The following NCOR2 variants were observed in gnomAD, a reference collection of about 807,000 sequenced individuals.
NCOR2 encodes CTG repeat protein 26.
NCOR2 carries 81 observed loss-of-function variants against 262.9 expected under a neutral mutation model. That is an observed-to-expected ratio of 0.31 (90% confidence interval 0.26 to 0.37). The LOEUF (loss-of-function observed/expected upper bound fraction) is 0.37. Ranked by LOEUF, NCOR2 falls within the 10% of genes least tolerant of loss-of-function variation. The pLI, the probability that NCOR2 is intolerant of heterozygous loss-of-function variation, is 1.00. For synonymous variants in NCOR2, 1,659 were observed against 1,559.3 expected, an observed-to-expected ratio of 1.06 and a Z score of -1.51; for missense variants, 3,385 against 3,621.4, an observed-to-expected ratio of 0.93 and a Z score of 1.68.
upstream of NCOR2, among the ~76,000 whole-genome samples, chr12:124,537,164 C>T (rs998099709): frequency 9.8e-5 from 15 of 152,326 alleles, no homozygotes; most frequent in South Asian, 1.2e-3. Flanking sequence ...AATGTTAGGA[C>T]GCCAATCACC....
At chr12:124,336,897 T>C (rs748239900) in exon 38 of NCOR2, 1 of 1,604,386 alleles carries the variant, frequency 6.2e-7, no homozygotes, top group South Asian at 1.1e-5. Context: ...GTGCGGGCGA[T>C]GGTGGCGTGG....
Position 124,523,230 on chromosome 12 carries a change from T to C in NCOR2, c.-118+12335A>G, listed in dbSNP as rs1333877725. On this transcript the variant is annotated intron_variant, in intron 1 of 46. Coordinates refer to the NCOR2 transcript ENST00000404621. This position sits in a 1 kb window ranked among gnomAD's most constrained non-coding sequence, Gnocchi z 4.0. Reference sequence around the variant, plus strand: ...AGCTGTGAGCTGGCAGCTGGCAGAGTTAATTGCTCACTCAAGACTCACTTC... The same window carrying C: ...AGCTGTGAGCTGGCAGCTGGCAGAGCTAATTGCTCACTCAAGACTCACTTC... Among the ~76,000 whole-genome samples, 1 of 151,844 alleles carries C rather than the reference T, an allele frequency of 6.6e-6. No homozygotes were observed. The highest frequency in any genetic ancestry group is 1.5e-5 in the Non-Finnish European group (1 of 67,962).
chr12:124,470,974 C>T (rs2046802583), intron 4 of NCOR2, among the ~76,000 whole-genome samples: 1 of 152,246 alleles, frequency 6.6e-6, no homozygotes, highest in South Asian at 2.1e-4. Context: ...GCCTGGAAGC[C>T]TAACGGTGCG....
At chr12:124,461,508 G>C (rs1367783445) in intron 5 of NCOR2, among the ~76,000 whole-genome samples, 2 of 152,246 alleles carry the variant, frequency 1.3e-5, no homozygotes, top group African/African-American at 2.4e-5. Context: ...GGGCACACAA[G>C]TCCTTAGTCA....
chr12:124,344,345 G>A lies in NCOR2; in HGVS notation c.4714+252C>T, dbSNP rs528515862. On this transcript the variant is annotated intron_variant, in intron 32 of 46. Coordinates refer to ENST00000405201, the Ensembl canonical transcript of NCOR2. ...AAGTATCCGGGTAGCTGTTTGCAGA[G>A]TGGATTACAGCAGGAAGAGGGAGGG... 1.6e-4 allele frequency among the ~76,000 whole-genome samples: 24 copies of A among 152,344 alleles called. No individual in the cohort carries two copies. The East Asian group carries it at 4.4e-3, about 28-fold the overall frequency.
rs1027873868 is a variant in NCOR2 at position 124,549,648 on chromosome 12, G to T, written c.-164-14037C>A. On this transcript the variant is annotated intron_variant, in intron 1 of 32. Transcript: ENST00000458234. This position sits in a 1 kb window ranked among gnomAD's most constrained non-coding sequence, Gnocchi z 4.4. ...CTGACTCCCCACTGCAACCCAGGAG[G>T]TAAATGCTATTACGAACACCCTTCT... is the stretch of plus-strand genomic sequence containing the variant. Among the ~76,000 whole-genome samples, 13 of 152,170 alleles carry T rather than the reference G, an allele frequency of 8.5e-5. No individual in the cohort carries two copies. The highest frequency in any genetic ancestry group is 3.1e-4 in the African/African-American group (13 of 41,442).
Position 124,372,085 on chromosome 12 carries a change from C to T in NCOR2, c.2744G>A (p.Ser915Asn). The T allele has an allele frequency of 9.4e-6, 15 of 1,604,066 alleles. No homozygotes were observed. Among genetic ancestry groups the T allele is most frequent in the Non-Finnish European group, 1.3e-5 (15 of 1,179,648 alleles). ...TGCACTGCAGGTAGCACTGGAGTCG[C>T]TGTCCTGGGGGGCGCCCGAGCTCTT... is the stretch of plus-strand genomic sequence containing the variant. Residue 915 changes from serine (S) to asparagine (N), a missense_variant, in exon 20 of 47, where the codon AGC (serine) becomes AAC (asparagine). Transcript: ENST00000405201.
At chr12:124,428,070 T>TGTGTGTGTGTGTGTGTGTGTGTGTGC (rs1383459509) in intron 10 of NCOR2, among the ~76,000 whole-genome samples, 1 of 150,180 alleles carries the variant, frequency 6.7e-6, no homozygotes, top group East Asian at 2.0e-4. Context: ...TGTGTGTGTG[T>TGTGTGTGTGTGTGTGTGTGTGTGTGC]GTGTGTGTGT....
Position 124,363,717 on chromosome 12 carries a change from T to G in NCOR2, c.2890A>C (p.Lys964Gln), listed in dbSNP as rs777047170. 6 of 1,412,266 alleles carry G rather than the reference T, an allele frequency of 4.2e-6. No homozygotes were observed. In the East Asian group the frequency reaches 1.6e-4, roughly 39 times the overall value. 87.5% of individuals were successfully genotyped at this position (1,412,266 alleles called of 1,614,324 possible). A position where few individuals can be genotyped will look rare whatever the true frequency, so the allele number is the denominator to read the frequency against. Residue 964 changes from lysine (K) to glutamine (Q), a missense_variant, in exon 21 of 47, where the codon AAG becomes CAG. Physicochemically the swap from Lys to Gln is moderately conservative, Grantham distance 53. This residue lies in a region of NCOR2 where 1,615 missense variants were observed against 1,626.9 expected (regional missense o/e 0.99). Transcript: ENST00000405201. ...GCAGCCGCTCGCTGCTTCAGCTGCT[T>G]CAGGTCCAGTGGCTTCTGGGGTGAG...
chr12:124,336,409 CA>C (rs1165139654), intron 38 of NCOR2: 2,906 of 201,562 alleles, frequency 0.014, no homozygotes, highest in South Asian at 0.034. Flanking sequence ...AGCAAAAATC[CA>C]AAAAAAAAAA....
chr12:124,493,524 G>A (rs2048206673), intron 1 of NCOR2, among the ~76,000 whole-genome samples: 1 of 152,214 alleles, frequency 6.6e-6, no homozygotes, highest in South Asian at 2.1e-4. Flanking sequence ...GCTCAGAGAG[G>A]TTACGTAACT....
At chr12:124,348,133 C>G (rs1178989979) in intron 29 of NCOR2, 41 bp downstream of exon 31, 1 of 1,604,440 alleles carries the variant, frequency 6.2e-7, no homozygotes, top group Non-Finnish European at 8.5e-7. Flanking sequence ...CCACCGCCCA[C>G]CAGGGGGCAC....
rs202037116 is a variant in NCOR2 at position 124,363,811 on chromosome 12, C to G, written c.2808-12G>C. 5.2e-6 allele frequency: 7 copies of G among 1,334,856 alleles called. No individual in the cohort carries two copies. In the East Asian group the frequency reaches 1.7e-4, roughly 32 times the overall value. The allele number at this position is 1,334,856 out of a possible 1,614,324, so 82.7% of individuals were successfully genotyped here. On this transcript the variant is annotated splice_polypyrimidine_tract_variant and intron_variant, in intron 20 of 46. Coordinates refer to ENST00000405201, the Ensembl canonical transcript of NCOR2. ...TTGGGGACAGCAGCCTGCGGGCACA[C>G]GAGCACCATCAGCTGGGGGCCCACA...
chr12:124,326,873 T>C (rs1225700333), intron 45 of NCOR2, among the ~76,000 whole-genome samples: 1 of 152,118 alleles, frequency 6.6e-6, no homozygotes, highest in Non-Finnish European at 1.5e-5. Context: ...CCTGCCCCGA[T>C]ACAGAGGGTA....
intron 1 of NCOR2, among the ~76,000 whole-genome samples, chr12:124,508,313 A>C (rs2049163772): frequency 2.0e-5 from 3 of 152,260 alleles, no homozygotes; most frequent in Admixed American, 2.0e-4. Flanking sequence ...ATGTCTGATG[A>C]CGGGACAGTG....
At chr12:124,435,332 G>A (rs752625525) in intron 8 of NCOR2, among the ~76,000 whole-genome samples, 4 of 152,210 alleles carry the variant, frequency 2.6e-5, no homozygotes, top group African/African-American at 7.2e-5. Flanking sequence ...CAGATTGGAC[G>A]CTCGTTTCAA....
chr12:124,551,080 C>G (rs1594059339), intron 1 of NCOR2, among the ~76,000 whole-genome samples: 1 of 152,188 alleles, frequency 6.6e-6, no homozygotes, highest in Non-Finnish European at 1.5e-5. Flanking sequence ...ATAGCTAATG[C>G]CACGGTTCTG....
At chr12:124,359,517 G>A (rs1386158967) in intron 22 of NCOR2, among the ~76,000 whole-genome samples, 3 of 152,246 alleles carry the variant, frequency 2.0e-5, no homozygotes, top group African/African-American at 7.2e-5. Flanking sequence ...GGGCACAGAT[G>A]CAGGGGAATT....
chr12:124,543,965 G>C (rs568252801), intron 1 of NCOR2, among the ~76,000 whole-genome samples: 1 of 152,148 alleles, frequency 6.6e-6, no homozygotes. Flanking sequence ...CTTAACAACC[G>C]CCCCACATCC....
Sources: allele counts gnomAD v4.1 joint callset (sites outside exome capture counted in the v4.1 genomes callset), GRCh38; gene constraint gnomAD v4.1.1; regional missense constraint gnomAD v4.1.1; non-coding constraint Gnocchi (gnomAD v3.1); transcripts MANE v1.5; gene names NCBI Gene and HGNC (gene_info 2026-07-23, HGNC 2026-07-21).